PIWIL1: variants seen among roughly 807,000 people sequenced by gnomAD.
The protein encoded by PIWIL1 is piwi-like protein 1.
PIWIL1 carries 73 observed loss-of-function variants against 114.4 expected under a neutral mutation model. The ratio of observed to expected loss-of-function variants is 0.64; its 90% CI spans 0.53 to 0.78. PIWIL1 has a LOEUF of 0.78. Ranked by LOEUF, PIWIL1 falls within the 30% of genes least tolerant of loss-of-function variation. The pLI, the probability that PIWIL1 is intolerant of heterozygous loss-of-function variation, is 0.00. For missense variants in PIWIL1, 723 were observed against 1,063.1 expected, an observed-to-expected ratio of 0.68 and a Z score of 4.45; for synonymous variants, 375 against 369.0, an observed-to-expected ratio of 1.02 and a Z score of -0.19.
chr12:130,408,740 T>G, the PIWIL1 span, among the ~76,000 whole-genome samples: 1 of 152,354 alleles, frequency 6.6e-6, no homozygotes, highest in South Asian at 2.1e-4. Flanking sequence ...TATGTGTTTC[T>G]TCTAAACACA....
At chr12:130,346,872 C>A in intron 5 of PIWIL1, 69 bp from the exon 6 acceptor site, 1 of 1,552,828 alleles carries the variant, frequency 6.4e-7, no homozygotes, top group Non-Finnish European at 8.7e-7. Context: ...ATTAAGCAAG[C>A]AGTATGTGAT....
At chr12:130,412,540 TCAC>T in the PIWIL1 span, 1 of 1,342,874 alleles carries the variant, frequency 7.4e-7, no homozygotes, top group Non-Finnish European at 1.0e-6. Flanking sequence ...GGTCTCCTCA[TCAC>T]CGCCTGCCTC....
chr12:130,382,069 T>C, the PIWIL1 span, among the ~76,000 whole-genome samples: 2 of 152,254 alleles, frequency 1.3e-5, no homozygotes, highest in African/African-American at 4.8e-5. Context: ...ATAGGTCTTT[T>C]GCAAATATAT....
chr12:130,423,499 G>T, the PIWIL1 span, among the ~76,000 whole-genome samples: 1 of 152,160 alleles, frequency 6.6e-6, no homozygotes, highest in East Asian at 1.9e-4. Context: ...ACAATATAGA[G>T]ATGAATGAAG....
At chr12:130,389,349 G>C in the PIWIL1 span, among the ~76,000 whole-genome samples, 15 of 151,872 alleles carry the variant, frequency 9.9e-5, no homozygotes, top group Admixed American at 3.9e-4. Flanking sequence ...TTTTGGAAGG[G>C]TTTATATAAG....
intron 17 of PIWIL1, 45 bp from the exon 18 acceptor site, chr12:130,362,946 T>C: frequency 6.2e-7 from 1 of 1,612,136 alleles, no homozygotes; most frequent in Non-Finnish European, 8.5e-7. Context: ...AGACGAGTTG[T>C]GTCGTAGGCA....
intron 3 of PIWIL1, chr12:130,345,480 G>T (rs997206799): frequency 9.1e-6 from 3 of 329,502 alleles, no homozygotes; most frequent in African/African-American, 6.3e-5. Context: ...AGTCCAGTTG[G>T]CTTGATCTCT....
At chr12:130,412,880 T>C in the PIWIL1 span, 1 of 1,180,708 alleles carries the variant, frequency 8.5e-7, no homozygotes, top group African/African-American at 1.5e-5. Context: ...TAGTCGAAAA[T>C]ATATTTTAAA....
At chr12:130,423,908 AT>A in the PIWIL1 span, among the ~76,000 whole-genome samples, 1 of 152,180 alleles carries the variant, frequency 6.6e-6, no homozygotes, top group African/African-American at 2.4e-5. Context: ...AGCCATACTC[AT>A]TACTGATTCT....
chr12:130,412,793 G>A, the PIWIL1 span: 2 of 1,605,624 alleles, frequency 1.2e-6, no homozygotes. Context: ...TAAACCTAGA[G>A]CCAAGGGGGA....
chr12:130,399,032 A>G, the PIWIL1 span: 4 of 633,422 alleles, frequency 6.3e-6, no homozygotes, highest in Middle Eastern at 2.8e-4. Context: ...TAACCCCACA[A>G]TGAAGCCTTA....
the PIWIL1 span, among the ~76,000 whole-genome samples, chr12:130,413,939 G>A: frequency 6.6e-6 from 1 of 152,210 alleles, no homozygotes; most frequent in Non-Finnish European, 1.5e-5. Context: ...GCAGATGCTG[G>A]AGAAGGCACT....
At chr12:130,374,786 G>C (rs943464772), downstream of PIWIL1, among the ~76,000 whole-genome samples, 4 of 152,202 alleles carry the variant, frequency 2.6e-5, no homozygotes, top group African/African-American at 9.7e-5. Flanking sequence ...GCTCATCTCT[G>C]AGGAGCTCTT....
intron 1 of PIWIL1, chr12:130,339,544 G>T (rs931189182): frequency 2.6e-5 from 4 of 152,208 alleles, no homozygotes; most frequent in African/African-American, 9.7e-5. Context: ...AATCGGAGAG[G>T]TGATTTCCAG....
At position 130,367,320 on chromosome 12, in the gene PIWIL1, C is replaced by G. The variant is rs979592926; in HGVS notation, c.2321+62C>G. ...CTTGGTGGTGGTTTCTTTAGCATGG[C>G]CCCTATGCTTTACCAATTTTAATAC... On this transcript the variant is annotated intron_variant, in intron 19 of 20. Coordinates refer to ENST00000245255, the MANE Select transcript of PIWIL1 (RefSeq NM_004764.5). 2.8e-6 allele frequency: 4 copies of G among 1,420,392 alleles called. No individual in the cohort carries two copies. In the African/African-American group the frequency reaches 5.8e-5, roughly 21 times the overall value. The allele number at this position is 1,420,392 out of a possible 1,614,324, so 88.0% of individuals were successfully genotyped here.
In PIWIL1 at chr12:130,371,219, G is replaced by A. The variant is rs373256222; in HGVS notation, c.2365G>A (p.Val789Ile). The change falls in exon 20 of 21, where the codon GTT becomes ATT. Residue 789 changes from valine (V) to isoleucine (I), a missense_variant. Coordinates refer to ENST00000245255, the MANE Select transcript of PIWIL1 (RefSeq NM_004764.5). ...IVSQAVRSGS[V>I]SPTHYNVIYD... Reference sequence around the variant, plus strand: ...GAGCCAGGCTGTGAGAAGTGGTAGTGTTTCTCCCACACATTACAATGTCAT... The same window carrying A: ...GAGCCAGGCTGTGAGAAGTGGTAGTATTTCTCCCACACATTACAATGTCAT... 1.2e-5 allele frequency: 19 copies of A among 1,614,056 alleles called. No homozygotes were observed. Among genetic ancestry groups the A allele is most frequent in the Non-Finnish European group, 1.5e-5 (18 of 1,180,034 alleles).
Position 130,371,395 on chromosome 12 carries a change from T to C in PIWIL1, c.2469+72T>C, listed in dbSNP as rs1414988319. The C allele has an allele frequency of 7.4e-6, 12 of 1,611,304 alleles. No homozygotes were observed. In the Admixed American group the frequency reaches 1.8e-4, roughly 25 times the overall value. Reference sequence around the variant, plus strand: ...TTTTCAAAATGAAATAGCTGTGGTTTAAAAGGCTTTTAGGGTTAATACTGA... The same window carrying C: ...TTTTCAAAATGAAATAGCTGTGGTTCAAAAGGCTTTTAGGGTTAATACTGA... On this transcript the variant is annotated intron_variant, in intron 20 of 20. Coordinates refer to ENST00000245255, the MANE Select transcript of PIWIL1 (RefSeq NM_004764.5).
At chr12:130,342,319 C>A in intron 1 of PIWIL1, 1 of 471,808 alleles carries the variant, frequency 2.1e-6, no homozygotes, top group Non-Finnish European at 3.8e-6. Flanking sequence ...ATAAATAATC[C>A]AAATGAAAAA....
intron 2 of PIWIL1, 34 bp downstream of exon 2, chr12:130,342,703 G>A (rs750042211): frequency 6.6e-7 from 1 of 1,506,188 alleles, no homozygotes. Context: ...TACAGAAAAT[G>A]TCTTTGACTC....
Sources: allele counts gnomAD v4.1 joint callset (sites outside exome capture counted in the v4.1 genomes callset), GRCh38; gene constraint gnomAD v4.1.1; transcripts MANE v1.5; gene names NCBI Gene and HGNC (gene_info 2026-07-23, HGNC 2026-07-21).